The following TENM3 variants were observed in gnomAD, a reference collection of about 807,000 sequenced individuals.
TENM3 encodes the protein teneurin-3.
A neutral mutation model predicts 255.1 loss-of-function variants in TENM3; 63 were observed. The observed-to-expected ratio is 0.25, with a 90% CI of 0.20 to 0.30. The LOEUF (loss-of-function observed/expected upper bound fraction) is 0.30, where lower values mean the gene tolerates loss of function less well. Among genes scored for constraint, TENM3 ranks in the 10% least tolerant of loss-of-function variants. The pLI is 1.00. For missense variants in TENM3, 2,929 were observed against 3,461.1 expected (o/e 0.85, Z 3.86); for synonymous variants, 1,306 against 1,322.3 (o/e 0.99, Z 0.27).
At chr4:181,807,399 G>C in the TENM3 span, among the ~76,000 whole-genome samples, 5 of 152,186 alleles carry the variant, frequency 3.3e-5, no homozygotes, top group Non-Finnish European at 5.9e-5. Context: ...TGTCGCCCAG[G>C]CTGGAGTGCA....
At chr4:181,749,247 T>A in the TENM3 span, among the ~76,000 whole-genome samples, 1 of 152,060 alleles carries the variant, frequency 6.6e-6, no homozygotes, top group African/African-American at 2.4e-5. Context: ...AAAGCAGCAC[T>A]AACAAATAAC....
At chr4:181,678,555 TG>T in the TENM3 span, among the ~76,000 whole-genome samples, 2 of 152,080 alleles carry the variant, frequency 1.3e-5, no homozygotes, top group African/African-American at 4.8e-5. Flanking sequence ...GCTCAGTAGC[TG>T]GGGTGTATTT....
chr4:181,680,472 G>A, the TENM3 span, among the ~76,000 whole-genome samples: 37 of 152,210 alleles, frequency 2.4e-4, no homozygotes, highest in African/African-American at 8.2e-4. Flanking sequence ...GATAGACAGA[G>A]GAAAACTTCA....
intron 1 of TENM3, among the ~76,000 whole-genome samples, chr4:182,218,045 G>A (rs1188168912): frequency 5.3e-5 from 8 of 152,270 alleles, no homozygotes; most frequent in African/African-American, 1.2e-4. Context: ...TATATGTTAG[G>A]CAACGTTCTA....
At chr4:182,772,575 C>A (rs999773453) in intron 22 of TENM3, 1 of 151,132 alleles carries the variant, frequency 6.6e-6, no homozygotes, top group African/African-American at 2.4e-5. Context: ...TTTCTTCAGA[C>A]GACACCATCA....
At chr4:182,207,230 G>A (rs868283181) in intron 1 of TENM3, among the ~76,000 whole-genome samples, 11 of 152,080 alleles carry the variant, frequency 7.2e-5, no homozygotes, top group South Asian at 2.1e-4. Context: ...TCTTTGACCC[G>A]GCAACAATAA....
the TENM3 span, among the ~76,000 whole-genome samples, chr4:182,073,235 A>G: frequency 6.6e-6 from 1 of 152,208 alleles, no homozygotes; most frequent in Admixed American, 6.5e-5. Flanking sequence ...TGCTTAAACC[A>G]TCAGATCTTG....
In TENM3 at chr4:182,660,977, T is replaced by A. The variant is rs77645711; in HGVS notation, c.1111+7084T>A. Among the ~76,000 whole-genome samples the A allele has an allele frequency of 1.6e-3, 245 of 152,264 alleles. 2 individuals carry two copies. The highest frequency in any genetic ancestry group is 5.0e-3 in the African/African-American group (209 of 41,558). On this transcript the variant is annotated intron_variant, in intron 6 of 27. Coordinates refer to ENST00000511685, the MANE Select transcript of TENM3 (RefSeq NM_001080477.4). ...ACTTCTAAAGGGGCAGTAAGACACA[T>A]GCCCAATTTTAGCCTAGGATAATTT...
chr4:181,530,745 A>G, the TENM3 span, among the ~76,000 whole-genome samples: 2 of 152,248 alleles, frequency 1.3e-5, no homozygotes, highest in South Asian at 2.1e-4. Context: ...ATTCAACAAC[A>G]AAGATATTGC....
At chr4:181,534,028 C>T in the TENM3 span, among the ~76,000 whole-genome samples, 2 of 152,142 alleles carry the variant, frequency 1.3e-5, no homozygotes, top group East Asian at 3.9e-4. Flanking sequence ...CACACAAAGA[C>T]TAGGGAGAAC....
the TENM3 span, among the ~76,000 whole-genome samples, chr4:181,789,204 A>G: frequency 1.3e-5 from 2 of 149,496 alleles, no homozygotes; most frequent in Non-Finnish European, 3.0e-5. Flanking sequence ...TGTTATTTAT[A>G]AAGAGCCCCC....
At chr4:181,837,790 T>C in the TENM3 span, among the ~76,000 whole-genome samples, 1 of 152,066 alleles carries the variant, frequency 6.6e-6, no homozygotes, top group East Asian at 1.9e-4. Flanking sequence ...ACTCCTTATA[T>C]GGAAGTGGGG....
intron 1 of TENM3, among the ~76,000 whole-genome samples, chr4:182,317,111 C>G (rs1762793839): frequency 6.6e-6 from 1 of 152,118 alleles, no homozygotes; most frequent in African/African-American, 2.4e-5. Flanking sequence ...AAGGTGGCTT[C>G]TTATTTATTA....
At chr4:182,606,854 A>G (rs1560994057) in intron 4 of TENM3, among the ~76,000 whole-genome samples, 1 of 152,348 alleles carries the variant, frequency 6.6e-6, no homozygotes, top group South Asian at 2.1e-4. Flanking sequence ...CAGCTCTCAA[A>G]TGAAGGTCAT....
At chr4:182,020,714 A>G in the TENM3 span, among the ~76,000 whole-genome samples, 1 of 152,208 alleles carries the variant, frequency 6.6e-6, no homozygotes, top group Non-Finnish European at 1.5e-5. Flanking sequence ...TCATCTTTCA[A>G]AGTAAGCATT....
At chr4:181,584,107 C>T in the TENM3 span, among the ~76,000 whole-genome samples, 1 of 152,158 alleles carries the variant, frequency 6.6e-6, no homozygotes, top group Non-Finnish European at 1.5e-5. Flanking sequence ...CTGACATATT[C>T]ATAGTCACTC....
chr4:182,171,618 A>G (rs1451026629), intron 1 of TENM3, among the ~76,000 whole-genome samples: 1 of 152,120 alleles, frequency 6.6e-6, no homozygotes, highest in Admixed American at 6.5e-5. Flanking sequence ...TTTAACTTAA[A>G]ATTTATAACC....
chr4:182,015,817 G>A, the TENM3 span, among the ~76,000 whole-genome samples: 1 of 152,080 alleles, frequency 6.6e-6, no homozygotes, highest in South Asian at 2.1e-4. Flanking sequence ...TCTCGGCTGG[G>A]ATTACAGGCG....
chr4:182,713,966 C>A, intron 12 of TENM3, 121 bp from the exon 13 acceptor site: 1 of 727,620 alleles, frequency 1.4e-6, no homozygotes, highest in Non-Finnish European at 2.3e-6. Context: ...TATCCATGTG[C>A]AATTACAGTA....
Sources: gnomAD v4.1 joint callset for allele counts (sites outside exome capture counted in the v4.1 genomes callset) on GRCh38, gnomAD v4.1.1 for gene constraint, MANE v1.5 for transcripts, NCBI Gene and HGNC (gene_info 2026-07-23, HGNC 2026-07-21) for gene names.